PARD3B: variants seen among roughly 807,000 people sequenced by gnomAD.
PARD3B encodes partitioning defective 3 homolog B.
A neutral mutation model predicts 130.2 loss-of-function variants in PARD3B; 103 were observed. That is an observed-to-expected ratio of 0.79 (90% confidence interval 0.67 to 0.93). PARD3B has a LOEUF of 0.93. Among genes scored for constraint, PARD3B ranks in the 40% least tolerant of loss-of-function variants. The probability of loss-of-function intolerance (pLI) is 0.00; values close to 1 mark genes in which losing one functional copy is unlikely to be tolerated. For missense variants in PARD3B, 1,609 were observed against 1,499.2 expected (o/e 1.07, Z -1.21); for synonymous variants, 583 against 553.2 (o/e 1.05, Z -0.76).
At position 205,011,203 on chromosome 2, in the gene PARD3B, T is replaced by G. The variant is rs2125308707; in HGVS notation, c.395-36378T>G. Among the ~76,000 whole-genome samples, 1 of 152,292 alleles carries G rather than the reference T, an allele frequency of 6.6e-6. No homozygotes were observed. Among genetic ancestry groups the G allele is most frequent in the South Asian group, 2.1e-4 (1 of 4,830 alleles). ...CTTAGCAGCTTAAAATGACAAACAT[T>G]TATTACCTCATACAGATGATTACTG... On this transcript the variant is annotated intron_variant, in intron 3 of 22. Coordinates refer to ENST00000406610, the MANE Select transcript of PARD3B (RefSeq NM_001302769.2). This position sits in a 1 kb window ranked among gnomAD's most constrained non-coding sequence, Gnocchi z 4.1.
At chr2:205,457,783 A>G (rs1042674529) in intron 20 of PARD3B, among the ~76,000 whole-genome samples, 2 of 151,996 alleles carry the variant, frequency 1.3e-5, no homozygotes, top group Non-Finnish European at 2.9e-5. Context: ...CAGACAACTT[A>G]CTCCTTTGAA....
chr2:204,772,100 A>T (rs1201305434), intron 2 of PARD3B, among the ~76,000 whole-genome samples: 4 of 152,082 alleles, frequency 2.6e-5, no homozygotes, highest in Non-Finnish European at 5.9e-5. Flanking sequence ...GAATATGGAG[A>T]TTAGGCAATT....
At chr2:205,390,836 A>G (rs1046634411) in intron 18 of PARD3B, among the ~76,000 whole-genome samples, 2 of 152,262 alleles carry the variant, frequency 1.3e-5, no homozygotes, top group Non-Finnish European at 2.9e-5. Flanking sequence ...CCCATGTGTT[A>G]CTTTATGCTA....
chr2:204,747,456 T>C (rs1192091030), intron 2 of PARD3B, among the ~76,000 whole-genome samples: 2 of 152,118 alleles, frequency 1.3e-5, no homozygotes, highest in Non-Finnish European at 2.9e-5. Flanking sequence ...GGAAGAACAT[T>C]CCATGCTCAT....
At chr2:204,801,328 G>C (rs2042560379) in intron 2 of PARD3B, among the ~76,000 whole-genome samples, 1 of 152,084 alleles carries the variant, frequency 6.6e-6, no homozygotes, top group African/African-American at 2.4e-5. Context: ...TCACAGTATT[G>C]GTTCTTCCTA....
chr2:205,388,146 G>A (rs1395235239), intron 18 of PARD3B, among the ~76,000 whole-genome samples: 2 of 152,098 alleles, frequency 1.3e-5, no homozygotes, highest in African/African-American at 2.4e-5. Flanking sequence ...TCAGACCTCT[G>A]GTTGATTTAA....
In PARD3B at chr2:205,053,978, A is replaced by G. The variant is rs191141174; in HGVS notation, c.504+6288A>G. Among the ~76,000 whole-genome samples, 15 of 152,274 alleles carry G rather than the reference A, an allele frequency of 9.9e-5. No individual in the cohort carries two copies. The East Asian group carries it at 1.5e-3, about 16-fold the overall frequency. ...CTCCAGCTGTTCACGCTGTGTGCTG[A>G]TAAGACCAGAGCTTGAAGACACATT... On this transcript the variant is annotated intron_variant, in intron 4 of 22. Coordinates refer to ENST00000406610, the MANE Select transcript of PARD3B (RefSeq NM_001302769.2).
In PARD3B at chr2:204,838,750, GA is replaced by G. The variant is rs554537667; in HGVS notation, c.223-126401del. On this transcript the variant is annotated intron_variant, in intron 2 of 22. Coordinates refer to ENST00000406610, the MANE Select transcript of PARD3B (RefSeq NM_001302769.2). ...GCATACAGAAAAGAGAAATATTTGA[GA>G]TGATGGATATCCCAATTATACTTAT... 7.9e-5 allele frequency among the ~76,000 whole-genome samples: 12 copies of G among 152,268 alleles called. No homozygotes were observed. The South Asian group carries it at 2.3e-3, about 29-fold the overall frequency.
chr2:204,949,460 G>A (rs1432297044), intron 2 of PARD3B, among the ~76,000 whole-genome samples: 1 of 151,966 alleles, frequency 6.6e-6, no homozygotes, highest in Non-Finnish European at 1.5e-5. Context: ...TGGGACCACA[G>A]GAGCATACCA....
At chr2:205,565,877 A>G (rs980815319) in intron 22 of PARD3B, among the ~76,000 whole-genome samples, 1 of 151,990 alleles carries the variant, frequency 6.6e-6, no homozygotes, top group African/African-American at 2.4e-5. Context: ...CAGCAGTCAC[A>G]AAGAAAACAT....
chr2:205,386,887 A>G (rs951301861), intron 18 of PARD3B, among the ~76,000 whole-genome samples: 2 of 152,150 alleles, frequency 1.3e-5, no homozygotes, highest in Non-Finnish European at 2.9e-5. Flanking sequence ...CCCTATCCCT[A>G]AGAAACTACC....
chr2:204,637,503 C>G (rs1018203355), intron 1 of PARD3B, among the ~76,000 whole-genome samples: 1 of 152,062 alleles, frequency 6.6e-6, no homozygotes, highest in Non-Finnish European at 1.5e-5. Flanking sequence ...GTTCCTGTAT[C>G]AGAAGTGTAC....
At chr2:205,410,086 C>A (rs1347042164) in intron 19 of PARD3B, among the ~76,000 whole-genome samples, 4 of 152,112 alleles carry the variant, frequency 2.6e-5, no homozygotes, top group African/African-American at 7.2e-5. Flanking sequence ...TGCTTGGAAC[C>A]AGAAGTGTTT....
chr2:204,914,769 G>C (rs1165335199), intron 2 of PARD3B, among the ~76,000 whole-genome samples: 1 of 152,192 alleles, frequency 6.6e-6, no homozygotes, highest in African/African-American at 2.4e-5. Context: ...GGCAGACAGT[G>C]GGGCAGGGAA....
intron 3 of PARD3B, among the ~76,000 whole-genome samples, chr2:204,981,839 T>G (rs1431360480): frequency 7.2e-5 from 11 of 152,014 alleles, no homozygotes. Flanking sequence ...TGAGGAAAAC[T>G]GGAAGGGAGT....
chr2:205,441,096 A>G (rs1057489490), intron 20 of PARD3B, among the ~76,000 whole-genome samples: 4 of 152,252 alleles, frequency 2.6e-5, no homozygotes, highest in Non-Finnish European at 5.9e-5. Flanking sequence ...TGGGAATTAC[A>G]GAAAGCTGCA....
At chr2:205,350,409 C>T (rs188518224) in intron 18 of PARD3B, among the ~76,000 whole-genome samples, 6 of 152,156 alleles carry the variant, frequency 3.9e-5, no homozygotes, top group Admixed American at 1.3e-4. Flanking sequence ...TCTGCTTTGC[C>T]GCATCTCATA....
chr2:204,830,045 G>C (rs2043751046), intron 2 of PARD3B, among the ~76,000 whole-genome samples: 1 of 148,760 alleles, frequency 6.7e-6, no homozygotes, highest in African/African-American at 2.5e-5. Context: ...TTCTCCCTTA[G>C]TGTGCTCTCT....
intron 2 of PARD3B, among the ~76,000 whole-genome samples, chr2:204,868,150 A>C (rs2045497265): frequency 6.6e-6 from 1 of 152,204 alleles, no homozygotes; most frequent in African/African-American, 2.4e-5. Flanking sequence ...GTCTCTACAA[A>C]GTAAGTCATG....
Sources: gnomAD v4.1 joint callset for allele counts (sites outside exome capture counted in the v4.1 genomes callset) on GRCh38, gnomAD v4.1.1 for gene constraint, Gnocchi (gnomAD v3.1) non-coding constraint, MANE v1.5 for transcripts, NCBI Gene and HGNC (gene_info 2026-07-23, HGNC 2026-07-21) for gene names.